The following CAST variants were observed in gnomAD, a reference collection of about 807,000 sequenced individuals.
The protein encoded by CAST is calpastatin.
In CAST, 76 loss-of-function variants were observed where a neutral mutation model predicts 119.6. That is an observed-to-expected ratio of 0.64 (90% CI 0.53 to 0.77). The LOEUF is 0.77. CAST is among the 30% of genes least tolerant of loss of function. The pLI is 0.00. For missense variants in CAST, 953 were observed against 946.5 expected, an observed-to-expected ratio of 1.01 and a Z score of -0.09; for synonymous variants, 319 against 331.6, an observed-to-expected ratio of 0.96 and a Z score of 0.41.
At chr5:96,727,445 T>C in intron 5 of CAST, 44 bp from the exon 6 acceptor site, 1 of 1,100,572 alleles carries the variant, frequency 9.1e-7, no homozygotes. Flanking sequence ...TGTCTATCTT[T>C]CTTTTCTTCC....
intron 1 of CAST, among the ~76,000 whole-genome samples, chr5:96,620,013 A>G (rs982704644): frequency 6.6e-6 from 1 of 152,248 alleles, no homozygotes; most frequent in African/African-American, 2.4e-5. Context: ...GCTCTCATGA[A>G]AATTACATTA....
chr5:96,102,650 C>G, the CAST span, among the ~76,000 whole-genome samples: 1 of 151,968 alleles, frequency 6.6e-6, no homozygotes, highest in East Asian at 1.9e-4. Flanking sequence ...TCACTGTTAT[C>G]AGCTATTTTG....
At chr5:96,189,692 C>G in the CAST span, among the ~76,000 whole-genome samples, 1 of 151,924 alleles carries the variant, frequency 6.6e-6, no homozygotes, top group East Asian at 1.9e-4. Context: ...TTTGTGTTTC[C>G]TTTCCATGTT....
the CAST span, chr5:96,410,856 C>G: frequency 1.2e-6 from 2 of 1,613,938 alleles, no homozygotes; most frequent in Non-Finnish European, 1.7e-6. Context: ...GGGGGATAGG[C>G]CTTGCTGGGA....
chr5:96,229,306 G>A, the CAST span, among the ~76,000 whole-genome samples: 1 of 151,048 alleles, frequency 6.6e-6, no homozygotes, highest in Non-Finnish European at 1.5e-5. Flanking sequence ...AAGACATTTT[G>A]CTTTCCCATA....
At chr5:96,401,112 A>G in the CAST span, among the ~76,000 whole-genome samples, 1 of 138,648 alleles carries the variant, frequency 7.2e-6, no homozygotes, top group Non-Finnish European at 1.6e-5. Flanking sequence ...AAAAAAAAAA[A>G]GAAGTTTACA....
At chr5:96,447,481 T>C in the CAST span, among the ~76,000 whole-genome samples, 1 of 152,038 alleles carries the variant, frequency 6.6e-6, no homozygotes, top group African/African-American at 2.4e-5. Context: ...TACACACCCA[T>C]CCACACACTC....
chr5:96,678,119 C>T (rs1369673729), intron 2 of CAST, among the ~76,000 whole-genome samples: 19 of 152,126 alleles, frequency 1.2e-4, no homozygotes, highest in Non-Finnish European at 2.9e-5. Flanking sequence ...GCCTACCATC[C>T]ATAGTTTGTT....
the CAST span, among the ~76,000 whole-genome samples, chr5:96,066,831 C>T: frequency 8.6e-5 from 13 of 151,670 alleles, no homozygotes; most frequent in East Asian, 2.3e-3. Flanking sequence ...GGCAAGTTAA[C>T]AAAATTTTTT....
the CAST span, among the ~76,000 whole-genome samples, chr5:96,120,008 C>T: frequency 2.6e-5 from 4 of 152,102 alleles, no homozygotes; most frequent in Non-Finnish European, 5.9e-5. Context: ...TTGTGAAACA[C>T]GTTTTATTCC....
the CAST span, among the ~76,000 whole-genome samples, chr5:96,509,493 T>C: frequency 2.6e-5 from 4 of 152,230 alleles, no homozygotes; most frequent in Admixed American, 6.5e-5. Context: ...GGGAAAAATC[T>C]AAGTTGTTAC....
At chr5:96,149,468 T>C in the CAST span, among the ~76,000 whole-genome samples, 1 of 152,218 alleles carries the variant, frequency 6.6e-6, no homozygotes, top group Admixed American at 6.5e-5. Flanking sequence ...TTCCTTCCCA[T>C]GCTTTTGCCA....
the CAST span, chr5:96,425,730 A>C: frequency 7.8e-6 from 1 of 128,836 alleles, no homozygotes; most frequent in Non-Finnish European, 1.2e-5. Flanking sequence ...CTCCATCATA[A>C]AAAAAAAAAA....
intron 10 of CAST, among the ~76,000 whole-genome samples, chr5:96,736,624 A>G (rs1332121202): frequency 1.3e-5 from 2 of 152,088 alleles, no homozygotes; most frequent in African/African-American, 4.8e-5. Context: ...ATTGTATTTC[A>G]CATATCCATG....
the CAST span, among the ~76,000 whole-genome samples, chr5:96,194,780 G>A: frequency 4.6e-5 from 7 of 152,068 alleles, no homozygotes; most frequent in Admixed American, 4.6e-4. Flanking sequence ...TCCTCATATT[G>A]TGGCATAATT....
chr5:96,044,362 A>G, the CAST span, among the ~76,000 whole-genome samples: 1 of 152,216 alleles, frequency 6.6e-6, no homozygotes. Flanking sequence ...TTAAAAGGTT[A>G]AAACTTGCCC....
At chr5:96,026,558 A>G in the CAST span, among the ~76,000 whole-genome samples, 1 of 152,236 alleles carries the variant, frequency 6.6e-6, no homozygotes, top group Non-Finnish European at 1.5e-5. Flanking sequence ...GGCCTCCTGG[A>G]AACAGAAGGC....
At position 96,741,313 on chromosome 5, in the gene CAST, C is replaced by A; in HGVS notation, c.966C>A (p.Phe322Leu). ...CTATAGACGCCTTGTCATCTGACTT[C>A]ACCTGTGGGTCGCCTACAGCTGCTG... The part of the protein sequence containing the change: ...DDAIDALSSD[F>L]TCGSPTAAGK... The change falls in exon 14 of 32, where the codon TTC becomes TTA. Residue 322 changes from phenylalanine (F) to leucine (L), a missense_variant. Coordinates refer to ENST00000675179, the MANE Select transcript of CAST (RefSeq NM_001750.7). The A allele has an allele frequency of 6.2e-7, 1 of 1,613,512 alleles. No individual in the cohort carries two copies. Among genetic ancestry groups the A allele is most frequent in the East Asian group, 2.2e-5 (1 of 44,878 alleles).
intron 3 of CAST, among the ~76,000 whole-genome samples, chr5:96,718,974 G>A (rs1757708946): frequency 6.6e-6 from 1 of 152,158 alleles, no homozygotes; most frequent in Non-Finnish European, 1.5e-5. Flanking sequence ...AATGGCTGGA[G>A]GGGAGGCAGA....
Sources: gnomAD v4.1 joint callset for allele counts (sites outside exome capture counted in the v4.1 genomes callset) on GRCh38, gnomAD v4.1.1 for gene constraint, MANE v1.5 for transcripts, NCBI Gene and HGNC (gene_info 2026-07-23, HGNC 2026-07-21) for gene names.